Variants in TAFA1 observed in about 807,000 individuals in gnomAD.
TAFA1 encodes the protein chemokine-like protein TAFA-1.
In TAFA1, 4 loss-of-function variants were observed where a neutral mutation model predicts 18.5. The observed-to-expected ratio is 0.22, with a 90% CI of 0.11 to 0.49. The LOEUF is 0.49. Among genes scored for constraint, TAFA1 ranks in the 20% least tolerant of loss-of-function variants. TAFA1 has a pLI of 0.98. For synonymous variants in TAFA1, 56 were observed against 55.2 expected (o/e 1.01, Z -0.06); for missense variants, 147 against 169.0 (o/e 0.87, Z 0.72).
At position 68,126,543 on chromosome 3, in the gene TAFA1, A is replaced by G. The variant is rs547810696; in HGVS notation, c.118+119799A>G. 2.7e-4 allele frequency among the ~76,000 whole-genome samples: 41 copies of G among 152,346 alleles called. 1 individual carries two copies. The highest frequency in any genetic ancestry group is 4.4e-4 in the Non-Finnish European group (30 of 68,018). On this transcript the variant is annotated intron_variant, in intron 2 of 4. Transcript: ENST00000478136. ...TGATTCTCTATCTTTTCAAAAATGT[A>G]TATATTCCAAACATATAAATGTTTT...
chr3:68,194,844 G>T (rs941006298), intron 2 of TAFA1, among the ~76,000 whole-genome samples: 1 of 151,736 alleles, frequency 6.6e-6, no homozygotes, highest in Non-Finnish European at 1.5e-5. Flanking sequence ...TGTTGGTAAA[G>T]TGTATAACAT....
intron 3 of TAFA1, among the ~76,000 whole-genome samples, chr3:68,497,308 A>T (rs2072566251): frequency 6.6e-6 from 1 of 152,182 alleles, no homozygotes; most frequent in South Asian, 2.1e-4. Context: ...CTGGAATGTC[A>T]GCAACATGGC....
chr3:68,147,242 TTC>T (rs778757551), intron 2 of TAFA1, among the ~76,000 whole-genome samples: 5 of 151,910 alleles, frequency 3.3e-5, no homozygotes, highest in Admixed American at 6.6e-5. Context: ...GAAGGCAACA[TTC>T]CTCTGCTTTA....
chr3:67,992,861 A>G, the TAFA1 span, among the ~76,000 whole-genome samples: 1 of 152,204 alleles, frequency 6.6e-6, no homozygotes, highest in Non-Finnish European at 1.5e-5. Flanking sequence ...AGCCACCACT[A>G]TAAAGGAAGT....
intron 2 of TAFA1, among the ~76,000 whole-genome samples, chr3:68,347,351 G>A (rs1311343552): frequency 6.6e-6 from 1 of 152,082 alleles, no homozygotes; most frequent in Non-Finnish European, 1.5e-5. Context: ...TATTCTCCAG[G>A]GCAAAGGCAA....
intron 2 of TAFA1, among the ~76,000 whole-genome samples, chr3:68,071,403 T>C (rs925018836): frequency 3.3e-5 from 5 of 151,808 alleles, no homozygotes; most frequent in African/African-American, 9.7e-5. Context: ...AACATGAGAA[T>C]TGTGGGAGAG....
intron 2 of TAFA1, among the ~76,000 whole-genome samples, chr3:68,380,950 G>T (rs373734949): frequency 5.3e-5 from 8 of 150,004 alleles, no homozygotes; most frequent in African/African-American, 2.0e-4. Context: ...TTTTGTATAA[G>T]GTGTAAGGAA....
chr3:68,203,641 T>A (rs2066492567), intron 2 of TAFA1, among the ~76,000 whole-genome samples: 1 of 151,586 alleles, frequency 6.6e-6, no homozygotes, highest in South Asian at 2.1e-4. Flanking sequence ...TTTTTTTCCT[T>A]CCCCCTTGGG....
Position 68,209,348 on chromosome 3 carries a change from T to C in TAFA1, c.118+202604T>C, listed in dbSNP as rs190898168. Among the ~76,000 whole-genome samples, 164 of 152,164 alleles carry C rather than the reference T, an allele frequency of 1.1e-3. 1 individual carries two copies. The highest frequency in any genetic ancestry group is 3.9e-3 in the African/African-American group (162 of 41,548). Reference sequence around the variant, plus strand: ...TTTAAATTCAGCAATAGAAAACTAATACAGCCTGGAACATGCCTAACCTTC... The same window carrying C: ...TTTAAATTCAGCAATAGAAAACTAACACAGCCTGGAACATGCCTAACCTTC... On this transcript the variant is annotated intron_variant, in intron 2 of 4. Coordinates refer to ENST00000478136, the MANE Select transcript of TAFA1 (RefSeq NM_213609.4).
At chr3:68,330,401 G>A (rs1397035899) in intron 2 of TAFA1, among the ~76,000 whole-genome samples, 1 of 152,212 alleles carries the variant, frequency 6.6e-6, no homozygotes, top group Admixed American at 6.5e-5. Flanking sequence ...TACTTACTGT[G>A]TGGATTATTT....
intron 2 of TAFA1, among the ~76,000 whole-genome samples, chr3:68,255,900 A>G (rs2067289584): frequency 6.6e-6 from 1 of 152,100 alleles, no homozygotes; most frequent in Admixed American, 6.5e-5. Flanking sequence ...CTTTTAATTA[A>G]CAGAAGAGAG....
At chr3:68,184,570 T>C (rs956121853) in intron 2 of TAFA1, among the ~76,000 whole-genome samples, 1 of 152,122 alleles carries the variant, frequency 6.6e-6, no homozygotes, top group Non-Finnish European at 1.5e-5. Context: ...ATAGGTAATT[T>C]TTGGCATGTC....
chr3:68,372,542 C>T (rs262203), intron 2 of TAFA1, among the ~76,000 whole-genome samples: 79,898 of 151,936 alleles, frequency 0.53, 21,455 homozygotes, highest in East Asian at 0.77. Context: ...GGTCAAAATG[C>T]CATTTTTACT....
chr3:68,109,811 C>T (rs2065243747), intron 2 of TAFA1, among the ~76,000 whole-genome samples: 1 of 151,942 alleles, frequency 6.6e-6, no homozygotes. Flanking sequence ...ATGGTAGAGG[C>T]CAAACCATGG....
intron 3 of TAFA1, among the ~76,000 whole-genome samples, chr3:68,491,971 G>A (rs554948738): frequency 9.9e-5 from 15 of 152,172 alleles, no homozygotes; most frequent in African/African-American, 3.1e-4. Context: ...AAACTGTATC[G>A]ATGACCTACC....
intron 2 of TAFA1, among the ~76,000 whole-genome samples, chr3:68,142,317 G>A (rs1200411497): frequency 6.6e-6 from 1 of 152,182 alleles, no homozygotes; most frequent in Non-Finnish European, 1.5e-5. Context: ...GTTAGTAGCT[G>A]GTATAACTAG....
intron 2 of TAFA1, among the ~76,000 whole-genome samples, chr3:68,187,390 C>A (rs1307111223): frequency 1.3e-5 from 2 of 151,924 alleles, no homozygotes; most frequent in African/African-American, 2.4e-5. Context: ...TCATCCCTGG[C>A]CAAAGGTATG....
Position 68,475,846 on chromosome 3 carries a change from G to T in TAFA1, c.259+58426G>T, listed in dbSNP as rs1012489705. On this transcript the variant is annotated intron_variant, in intron 3 of 4. Coordinates refer to ENST00000478136, the MANE Select transcript of TAFA1 (RefSeq NM_213609.4). Reference sequence around the variant, plus strand: ...GTTGTTTCCTGACTTTTTAATGATCGCCATTCTAACTGGTGTGAGATGGTA... The same window carrying T: ...GTTGTTTCCTGACTTTTTAATGATCTCCATTCTAACTGGTGTGAGATGGTA... Among the ~76,000 whole-genome samples, 27 of 152,128 alleles carry T rather than the reference G, an allele frequency of 1.8e-4. 1 individual carries two copies. Among genetic ancestry groups the T allele is most frequent in the Non-Finnish European group, 2.4e-4 (16 of 67,992 alleles).
chr3:68,335,892 G>A (rs892538374), intron 2 of TAFA1, among the ~76,000 whole-genome samples: 5 of 152,190 alleles, frequency 3.3e-5, no homozygotes, highest in Admixed American at 3.3e-4. Context: ...GCTTTGTCAA[G>A]TTGTCATTTG....
Sources: gnomAD v4.1 joint callset for allele counts (sites outside exome capture counted in the v4.1 genomes callset) on GRCh38, gnomAD v4.1.1 for gene constraint, MANE v1.5 for transcripts, NCBI Gene and HGNC (gene_info 2026-07-23, HGNC 2026-07-21) for gene names.